NTRK3: variants seen among roughly 807,000 people sequenced by gnomAD.
The protein encoded by NTRK3 is neurotrophic receptor tyrosine kinase 3.
NTRK3 carries 24 observed loss-of-function variants against 91.7 expected under a neutral mutation model. That is an observed-to-expected ratio of 0.26 (90% confidence interval 0.19 to 0.37). The LOEUF (loss-of-function observed/expected upper bound fraction) is 0.37. Among genes scored for constraint, NTRK3 ranks in the 10% least tolerant of loss-of-function variants. The probability of loss-of-function intolerance (pLI) is 1.00; values close to 1 mark genes in which losing one functional copy is unlikely to be tolerated. For missense variants in NTRK3, 880 were observed against 1,068.9 expected (o/e 0.82, Z 2.46); for synonymous variants, 483 against 404.0 (o/e 1.20, Z -2.34).
chr15:87,973,027 T>TC (rs954333248), intron 14 of NTRK3, among the ~76,000 whole-genome samples: 2 of 152,148 alleles, frequency 1.3e-5, no homozygotes, highest in African/African-American at 4.8e-5. Flanking sequence ...ATCTTCCTTG[T>TC]CCCCCTCGTT....
intron 14 of NTRK3, among the ~76,000 whole-genome samples, chr15:87,991,264 C>T (rs1391680773): frequency 6.6e-6 from 1 of 152,174 alleles, no homozygotes; most frequent in Non-Finnish European, 1.5e-5. Flanking sequence ...GTTTGGATCT[C>T]AGACTGACAG....
chr15:88,180,481 T>A (rs1104918), intron 5 of NTRK3, among the ~76,000 whole-genome samples: 6 of 151,974 alleles, frequency 3.9e-5, no homozygotes, highest in Admixed American at 1.3e-4. Flanking sequence ...AGCAGACAAC[T>A]TGGCCAAAAC....
At chr15:88,039,650 G>A (rs1220861745) in intron 13 of NTRK3, among the ~76,000 whole-genome samples, 1 of 152,174 alleles carries the variant, frequency 6.6e-6, no homozygotes, top group East Asian at 1.9e-4. Flanking sequence ...TGAAATGCTT[G>A]TTCCCCAGTG....
At chr15:88,034,914 T>C (rs893914881) in intron 13 of NTRK3, among the ~76,000 whole-genome samples, 4 of 152,226 alleles carry the variant, frequency 2.6e-5, no homozygotes, top group South Asian at 2.1e-4. Flanking sequence ...AAAAACTTTA[T>C]AGCAAATTCC....
intron 13 of NTRK3, among the ~76,000 whole-genome samples, chr15:88,057,041 C>T (rs538422533): frequency 1.0e-4 from 15 of 150,638 alleles, no homozygotes; most frequent in South Asian, 6.4e-4. Context: ...TGGTGGCGCG[C>T]GCCTGTAGTC....
intron 3 of NTRK3, among the ~76,000 whole-genome samples, chr15:88,230,293 G>C (rs2051068331): frequency 1.3e-5 from 2 of 152,228 alleles, no homozygotes; most frequent in South Asian, 4.1e-4. Context: ...ACCAGGATAA[G>C]AGGATGCCTG....
At chr15:88,034,255 C>A (rs1361344248) in intron 13 of NTRK3, among the ~76,000 whole-genome samples, 2 of 152,194 alleles carry the variant, frequency 1.3e-5, no homozygotes, top group Non-Finnish European at 2.9e-5. Flanking sequence ...CCAGCTGCCC[C>A]ACTCTTGAAA....
chr15:88,231,682 T>A (rs942941485), intron 3 of NTRK3, among the ~76,000 whole-genome samples: 1 of 152,168 alleles, frequency 6.6e-6, no homozygotes, highest in Admixed American at 6.5e-5. Flanking sequence ...CTGATCTCAC[T>A]CCTGTGTTCT....
At chr15:87,891,750 G>C (rs1002705013) in intron 17 of NTRK3, among the ~76,000 whole-genome samples, 1 of 151,962 alleles carries the variant, frequency 6.6e-6, no homozygotes, top group Non-Finnish European at 1.5e-5. Context: ...TAGGCACTTT[G>C]ATTGTTTCCA....
intron 13 of NTRK3, among the ~76,000 whole-genome samples, chr15:88,124,495 C>A (rs1294107364): frequency 3.3e-5 from 5 of 152,184 alleles, no homozygotes; most frequent in Non-Finnish European, 7.3e-5. Context: ...GGTGCGCCTC[C>A]TCAGGGGAAG....
At chr15:88,118,193 C>T (rs182389937) in intron 13 of NTRK3, among the ~76,000 whole-genome samples, 30 of 152,296 alleles carry the variant, frequency 2.0e-4, no homozygotes, top group African/African-American at 7.0e-4. Flanking sequence ...TGCTCTTTGG[C>T]CATCCTAAAG....
At chr15:87,879,550 C>A (rs887508382) in intron 18 of NTRK3, among the ~76,000 whole-genome samples, 1 of 152,130 alleles carries the variant, frequency 6.6e-6, no homozygotes, top group Admixed American at 6.5e-5. Context: ...AAGCAGACCC[C>A]CTTCCTTTAA....
rs899612551 is a variant in NTRK3, at chr15:88,237,373, A to G, written c.248+18533T>C. Among the ~76,000 whole-genome samples, 1 of 152,132 alleles carries G rather than the reference A, an allele frequency of 6.6e-6. No homozygotes were observed. Among genetic ancestry groups the G allele is most frequent in the African/African-American group, 2.4e-5 (1 of 41,430 alleles). On this transcript the variant is annotated intron_variant, in intron 3 of 18. Transcript: ENST00000394480. The surrounding 1 kb of genome is among the most constrained non-coding windows in gnomAD (Gnocchi z 4.0). ...CTATTTTGTGACCCATTGTTTTGGG[A>G]AGTTCTTTCTTACTGCTAAACCACA...
chr15:87,950,918 C>T (rs906170385), intron 14 of NTRK3, among the ~76,000 whole-genome samples: 12 of 152,274 alleles, frequency 7.9e-5, no homozygotes, highest in Non-Finnish European at 1.8e-4. Flanking sequence ...TTGGGAGGCA[C>T]ACAGTAGGTG....
intron 14 of NTRK3, among the ~76,000 whole-genome samples, chr15:87,954,913 A>G (rs548858828): frequency 6.6e-6 from 1 of 152,170 alleles, no homozygotes; most frequent in Non-Finnish European, 1.5e-5. Context: ...CACAAGTAGC[A>G]CAATTCTTTG....
Position 87,964,521 on chromosome 15 carries a change from C to T in NTRK3, c.1586-23768G>A, listed in dbSNP as rs189707374. Among the ~76,000 whole-genome samples the T allele has an allele frequency of 2.8e-3, 424 of 151,892 alleles. 1 individual carries two copies. Among genetic ancestry groups the T allele is most frequent in the African/African-American group, 9.8e-3 (406 of 41,398 alleles). On this transcript the variant is annotated intron_variant, in intron 14 of 18. Transcript: ENST00000394480. ...ACATTATTTTACATACCATAAAATT[C>T]ACCTATTTTAATGTAAAATTCAACA...
intron 14 of NTRK3, among the ~76,000 whole-genome samples, chr15:87,988,751 T>C (rs569870749): frequency 5.3e-5 from 8 of 152,298 alleles, no homozygotes; most frequent in East Asian, 3.9e-4. Flanking sequence ...TGATGTTCTA[T>C]GTAGGGTGAT....
intron 13 of NTRK3, among the ~76,000 whole-genome samples, chr15:88,033,288 T>G (rs905197522): frequency 6.9e-6 from 1 of 145,972 alleles, no homozygotes; most frequent in Non-Finnish European, 1.5e-5. Flanking sequence ...CTTACAATTT[T>G]TTTTCCATTC....
intron 5 of NTRK3, among the ~76,000 whole-genome samples, chr15:88,165,510 AG>A (rs1197945947): frequency 6.6e-6 from 1 of 152,196 alleles, no homozygotes; most frequent in Non-Finnish European, 1.5e-5. Context: ...ACTTTTCCAT[AG>A]TCATTACCAA....
Sources: gnomAD v4.1 joint callset for allele counts (sites outside exome capture counted in the v4.1 genomes callset) on GRCh38, gnomAD v4.1.1 for gene constraint, Gnocchi (gnomAD v3.1) non-coding constraint, MANE v1.5 for transcripts, NCBI Gene and HGNC (gene_info 2026-07-23, HGNC 2026-07-21) for gene names.